The following ZNF575 variants were observed in gnomAD, a reference collection of about 807,000 sequenced individuals.
The protein encoded by ZNF575 is zinc finger protein 575.
In ZNF575, 17 loss-of-function variants were observed where a neutral mutation model predicts 17.5. The ratio of observed to expected loss-of-function variants is 0.97; its 90% confidence interval spans 0.66 to 1.45. The LOEUF is 1.45. Among genes scored for constraint, ZNF575 ranks in the 40% most tolerant of loss-of-function variants. The pLI, the probability that ZNF575 is intolerant of heterozygous loss-of-function variation, is 0.00. For missense variants in ZNF575, 352 were observed against 359.2 expected, an observed-to-expected ratio of 0.98 and a Z score of 0.16; for synonymous variants, 146 against 158.3, an observed-to-expected ratio of 0.92 and a Z score of 0.58.
chr19:43,535,625 C>G lies in ZNF575; in HGVS notation c.676C>G (p.Arg226Gly). 1 of 1,613,594 alleles carries G rather than the reference C, an allele frequency of 6.2e-7. No homozygotes were observed. The highest frequency in any genetic ancestry group is 1.1e-5 in the South Asian group (1 of 91,072). ...CTGCGGCCAGGCCTTTGGCCAGAGA[C>G]GCTTACTGCTCCTTCATCAACGCAG... Reference protein sequence around the residue: ...SSCGQAFGQRRLLLLHQRSHH... With the variant: ...SSCGQAFGQRGLLLLHQRSHH... Residue 226 changes from arginine (R) to glycine (G), a missense_variant, in exon 4 of 4, where the codon CGC becomes GGC. Arg to Gly is a moderately radical substitution (Grantham distance 125). Coordinates refer to ENST00000314228, the MANE Select transcript of ZNF575 (RefSeq NM_174945.3).
In ZNF575 at chr19:43,535,373, G is replaced by GCCCCCCCCCCCCCCCCCCCCC; in HGVS notation, c.425_426insCCCCCCCCCCCCCCCCCCCCC (p.Pro143_Thr144insProProProProProProPro). The GCCCCCCCCCCCCCCCCCCCCC allele has an allele frequency of 6.3e-7, 1 of 1,575,912 alleles. No homozygotes were observed. Among genetic ancestry groups the GCCCCCCCCCCCCCCCCCCCCC allele is most frequent in the Non-Finnish European group, 8.7e-7 (1 of 1,155,820 alleles). ...GCTGGCGGCTCACCTCTGGACCCAC[G>GCCCCCCCCCCCCCCCCCCCCC]CACCCACCCGCCCCTACCCGTGCCC... is the stretch of plus-strand genomic sequence containing the variant. On this transcript the variant is annotated inframe_insertion, in exon 4 of 4. Coordinates refer to ENST00000314228, the MANE Select transcript of ZNF575 (RefSeq NM_174945.3).
At position 43,535,516 on chromosome 19, in the gene ZNF575, C is replaced by T; in HGVS notation, c.567C>T (p.Pro189=). 3 of 1,613,956 alleles carry T rather than the reference C, an allele frequency of 1.9e-6. No individual in the cohort carries two copies. Among genetic ancestry groups the T allele is most frequent in the Non-Finnish European group, 2.5e-6 (3 of 1,179,944 alleles). ...ATTGCCCCAAGGCTTTCTCATTTCC[C>T]TCCAAGCTGGCCGCCCATCGCCTAT... ...CPHCPKAFSF[P]SKLAAHRLCH... Residue 189 remains proline (P), a synonymous_variant, in exon 4 of 4, where the codon CCC becomes CCT. Transcript: ENST00000314228.
At chr19:43,532,007 G>A, upstream of ZNF575, 1 of 427,564 alleles carries the variant, frequency 2.3e-6, no homozygotes, top group Non-Finnish European at 4.1e-6. Context: ...CCTAGGCTGG[G>A]ATTTTTGTTT....
At chr19:43,532,720 G>A (rs1212888449), upstream of ZNF575, among the ~76,000 whole-genome samples, 1 of 152,154 alleles carries the variant, frequency 6.6e-6, no homozygotes, top group African/African-American at 2.4e-5. Flanking sequence ...AAGGTGCACC[G>A]CCACTGCTCG....
Position 43,535,762 on chromosome 19 carries a change from T to TATGA in ZNF575, c.*76_*79dup. On this transcript the variant is annotated 3_prime_UTR_variant, in exon 4 of 4. Coordinates refer to ENST00000314228, the MANE Select transcript of ZNF575 (RefSeq NM_174945.3). Reference sequence around the variant, plus strand: ...GAGGTGGGATTTCTAAGACCGACTGTATGAGCTCGCCTCTTCCAGATAGCT... The same window carrying TATGA: ...GAGGTGGGATTTCTAAGACCGACTGTATGAATGAGCTCGCCTCTTCCAGATAGCT... The TATGA allele has an allele frequency of 6.9e-7, 1 of 1,459,530 alleles. No homozygotes were observed. Among genetic ancestry groups the TATGA allele is most frequent in the Non-Finnish European group, 9.1e-7 (1 of 1,096,402 alleles). The allele number at this position is 1,459,530 out of a possible 1,614,324, so 90.4% of individuals were successfully genotyped here. A position where few individuals can be genotyped will look rare whatever the true frequency, so the allele number is the denominator to read the frequency against.
chr19:43,531,231 C>G (rs185450325), upstream of ZNF575, among the ~76,000 whole-genome samples: 448 of 152,064 alleles, frequency 2.9e-3, 6 homozygotes, highest in Admixed American at 0.027. Context: ...GTGGAGGTTA[C>G]AGTGGGCTGA....
At chr19:43,531,581 C>CA (rs869170364), upstream of ZNF575, among the ~76,000 whole-genome samples, 5 of 145,190 alleles carry the variant, frequency 3.4e-5, no homozygotes, top group East Asian at 5.9e-4. Flanking sequence ...GATTCCATCT[C>CA]AAAAAAAAGA....
intron 2 of ZNF575, 157 bp from the exon 3 acceptor site, chr19:43,534,180 A>G: frequency 5.6e-6 from 3 of 533,840 alleles, no homozygotes; most frequent in South Asian, 2.4e-5. Context: ...AAAGACTCCA[A>G]CCCTGGGTTT....
At position 43,535,736 on chromosome 19, in the gene ZNF575, A is replaced by G; in HGVS notation, c.*49A>G. 1 of 1,520,164 alleles carries G rather than the reference A, an allele frequency of 6.6e-7. No homozygotes were observed. Among genetic ancestry groups the G allele is most frequent in the Non-Finnish European group, 8.8e-7 (1 of 1,132,456 alleles). The allele number at this position is 1,520,164 out of a possible 1,614,324, so 94.2% of individuals were successfully genotyped here. A position where few individuals can be genotyped will look rare whatever the true frequency, so the allele number is the denominator to read the frequency against. ...CTTCTGCCGCCAGCCCTAGCCAGTA[A>G]GAGGTGGGATTTCTAAGACCGACTG... On this transcript the variant is annotated 3_prime_UTR_variant, in exon 4 of 4. Transcript: ENST00000314228.
upstream of ZNF575, among the ~76,000 whole-genome samples, chr19:43,531,384 C>A (rs1416234919): frequency 1.3e-5 from 2 of 152,092 alleles, no homozygotes; most frequent in Non-Finnish European, 2.9e-5. Flanking sequence ...GAGATCGAGA[C>A]CAGCCTGGCC....
upstream of ZNF575, chr19:43,531,936 G>A: frequency 1.5e-5 from 3 of 206,116 alleles, no homozygotes; most frequent in Non-Finnish European, 2.9e-5. Flanking sequence ...CTGCCATTAA[G>A]CCAGACTTTT....
chr19:43,535,368 C>A lies in ZNF575; in HGVS notation c.419C>A (p.Thr140Asn). 6.3e-7 allele frequency: 1 copy of A among 1,587,246 alleles called. No homozygotes were observed. The highest frequency in any genetic ancestry group is 2.3e-5 in the East Asian group (1 of 44,114). Residue 140 changes from threonine to asparagine, a missense_variant, in exon 4 of 4, where the codon ACC becomes AAC. By Grantham distance (65) the Thr-to-Asn change is moderately conservative. Transcript: ENST00000314228. ...TCCAAGCTGGCGGCTCACCTCTGGA[C>A]CCACGCACCCACCCGCCCCTACCCG... ...HRSKLAAHLW[T>N]HAPTRPYPCP...
Position 43,535,655 on chromosome 19 carries a change from C to CA in ZNF575, c.707dup (p.His236GlnfsTer33). 6.2e-7 allele frequency: 1 copy of CA among 1,612,646 alleles called. No individual in the cohort carries two copies. Among genetic ancestry groups the CA allele is most frequent in the African/African-American group, 1.3e-5 (1 of 75,042 alleles). On this transcript the variant is annotated frameshift_variant, in exon 4 of 4. Coordinates refer to ENST00000314228, the MANE Select transcript of ZNF575 (RefSeq NM_174945.3). LOFTEE classifies it high-confidence loss of function. ...ACTGCTCCTTCATCAACGCAGCCAC[C>CA]ACCAGGTGGAGCACAAGGGGGAGAG...
At chr19:43,534,867 AG>A (rs1972391915) in intron 3 of ZNF575, among the ~76,000 whole-genome samples, 161 bp from the exon 4 acceptor site, 1 of 150,588 alleles carries the variant, frequency 6.6e-6, no homozygotes, top group Admixed American at 6.6e-5. Context: ...GCCTGGGGGG[AG>A]GGGGGAGCAG....
rs760731274 is a variant in ZNF575 at position 43,535,671 on chromosome 19, A to AG, written c.727dup (p.Glu243GlyfsTer26). On this transcript the variant is annotated frameshift_variant, in exon 4 of 4. Transcript: ENST00000314228. LOFTEE classifies it high-confidence loss of function. ...CGCAGCCACCACCAGGTGGAGCACA[A>AG]GGGGGAGAGAGACTGAGCCCTCCCT... 4.3e-6 allele frequency: 7 copies of AG among 1,609,470 alleles called. No individual in the cohort carries two copies. Among genetic ancestry groups the AG allele is most frequent in the African/African-American group, 4.0e-5 (3 of 74,792 alleles).
intron 3 of ZNF575, 139 bp downstream of exon 3, chr19:43,534,640 C>A: frequency 2.4e-6 from 2 of 830,876 alleles, no homozygotes; most frequent in Non-Finnish European, 1.7e-6. Flanking sequence ...CTGCCACATT[C>A]TGGGAAATCC....
chr19:43,531,942 CTTTTTTTTTTTTTTT>C (rs869122064), upstream of ZNF575: 10 of 107,322 alleles, frequency 9.3e-5, no homozygotes, highest in East Asian at 3.5e-4. Context: ...TTAAGCCAGA[CTTTTTTTTTTTTTTT>C]TTTTTTTTTT....
At chr19:43,531,045 G>A (rs866727745), upstream of ZNF575, among the ~76,000 whole-genome samples, 6 of 150,842 alleles carry the variant, frequency 4.0e-5, no homozygotes, top group Non-Finnish European at 4.4e-5. Flanking sequence ...ATGGGAGGCC[G>A]AAGTGGGCGG....
At chr19:43,534,246 C>G (rs1208309586) in intron 2 of ZNF575, 91 bp from the exon 3 acceptor site, 1 of 604,830 alleles carries the variant, frequency 1.7e-6, no homozygotes, top group Non-Finnish European at 2.9e-6. Flanking sequence ...TCACTGTGCT[C>G]TTAGGCTCCG....
Sources: allele counts gnomAD v4.1 joint callset (sites outside exome capture counted in the v4.1 genomes callset), GRCh38; gene constraint gnomAD v4.1.1; transcripts MANE v1.5; gene names NCBI Gene and HGNC (gene_info 2026-07-23, HGNC 2026-07-21).